The following POLR3B variants were observed in gnomAD, a reference collection of about 807,000 sequenced individuals.
POLR3B encodes the protein DNA-directed RNA polymerase III subunit RPC2.
A neutral mutation model predicts 147.4 loss-of-function variants in POLR3B; 96 were observed. The ratio of observed to expected loss-of-function variants is 0.65; its 90% CI spans 0.55 to 0.77. The LOEUF (loss-of-function observed/expected upper bound fraction) is 0.77. Among genes scored for constraint, POLR3B ranks in the 30% least tolerant of loss-of-function variants. The pLI is 0.00. For synonymous variants in POLR3B, 461 were observed against 485.9 expected, an observed-to-expected ratio of 0.95 and a Z score of 0.67; for missense variants, 1,036 against 1,413.5, an observed-to-expected ratio of 0.73 and a Z score of 4.28.
rs765536691 is a variant in POLR3B, at chr12:106,496,929, G to A, written c.2984+11G>A. On this transcript the variant is annotated intron_variant, in intron 25 of 27. Coordinates refer to ENST00000228347, the MANE Select transcript of POLR3B (RefSeq NM_018082.6). ...ATCCGGCATCACAGGGTAAGCATGC[G>A]ATTGAGCTATTTTAAAGAAAAAGAA... 47 of 1,612,316 alleles carry A rather than the reference G, an allele frequency of 2.9e-5. No homozygotes were observed. Among genetic ancestry groups the A allele is most frequent in the Middle Eastern group, 3.3e-4 (2 of 6,080 alleles).
intron 23 of POLR3B, among the ~76,000 whole-genome samples, chr12:106,483,968 T>A (rs2038304819): frequency 3.9e-5 from 6 of 152,226 alleles, no homozygotes. Context: ...CCTTTATGTC[T>A]TGGCCTCCTT....
intron 23 of POLR3B, among the ~76,000 whole-genome samples, chr12:106,485,192 AG>A (rs1283408322): frequency 6.6e-6 from 1 of 152,214 alleles, no homozygotes; most frequent in South Asian, 2.1e-4. Flanking sequence ...CGTGGCAGAC[AG>A]GCAGAGGGGC....
At chr12:106,403,778 G>A (rs1447650157) in intron 10 of POLR3B, among the ~76,000 whole-genome samples, 1 of 139,834 alleles carries the variant, frequency 7.2e-6, no homozygotes, top group South Asian at 2.5e-4. Context: ...CATGGACACG[G>A]GGTGGGGAAC....
At chr12:106,418,147 CA>C in intron 12 of POLR3B, among the ~76,000 whole-genome samples, 1 of 148,514 alleles carries the variant, frequency 6.7e-6, no homozygotes, top group South Asian at 2.1e-4. Context: ...GTTGGCAGGC[CA>C]GCCGCCAGTA....
intron 1 of POLR3B, 63 bp from the exon 2 acceptor site, chr12:106,363,802 TTAAAA>T: frequency 8.4e-7 from 1 of 1,193,764 alleles, no homozygotes; most frequent in South Asian, 1.3e-5. Flanking sequence ...TTTTGGAACA[TTAAAA>T]TAACTTATGA....
chr12:106,424,171 C>CAT (rs58229728), intron 12 of POLR3B, among the ~76,000 whole-genome samples: 38,189 of 151,420 alleles, frequency 0.25, 5,445 homozygotes, highest in African/African-American at 0.39. Flanking sequence ...TGTCTTTTAA[C>CAT]ATATATATAT....
rs185544151 is a variant in POLR3B, at chr12:106,371,125, G to A, written c.404+1442G>A. Among the ~76,000 whole-genome samples, 182 of 152,184 alleles carry A rather than the reference G, an allele frequency of 1.2e-3. 4 individuals carry two copies. In the East Asian group the frequency reaches 0.017, roughly 15 times the overall value. On this transcript the variant is annotated intron_variant, in intron 6 of 27. Coordinates refer to ENST00000228347, the MANE Select transcript of POLR3B (RefSeq NM_018082.6). ...GTTTAAAGAGGGAGCATGAGTGGGC[G>A]AAGGACATGAACAGACACTTCTCAA... is the stretch of plus-strand genomic sequence containing the variant.
rs548223706 is a variant in POLR3B, at chr12:106,357,921, G to A, written c.42G>A (p.Glu14=). The A allele has an allele frequency of 3.1e-6, 5 of 1,613,430 alleles. No homozygotes were observed. The South Asian group carries it at 5.5e-5, about 18-fold the overall frequency. ...LAEEFGNLTP[E]QLAAPIPTVE... is the part of the protein sequence containing the mutation. ...AGGAGTTTGGGAACCTGACTCCGGA[G>A]CAGCTGGCGGCGCCGATCCCGACTG... Residue 14 remains glutamate, a synonymous_variant, in exon 1 of 28, where the codon GAG becomes GAA. Coordinates refer to ENST00000228347, the MANE Select transcript of POLR3B (RefSeq NM_018082.6).
chr12:106,467,951 A>G (rs1478671631), intron 23 of POLR3B, among the ~76,000 whole-genome samples: 2 of 152,128 alleles, frequency 1.3e-5, no homozygotes, highest in Admixed American at 6.5e-5. Context: ...TGGTATCAGG[A>G]TGATGCTGGC....
At chr12:106,359,763 A>C (rs1213065783) in intron 1 of POLR3B, among the ~76,000 whole-genome samples, 1 of 152,046 alleles carries the variant, frequency 6.6e-6, no homozygotes, top group Non-Finnish European at 1.5e-5. Context: ...TACTATTTTC[A>C]CCCCCATTTT....
At chr12:106,369,180 C>G (rs1169465671) in intron 4 of POLR3B, 95 bp from the exon 5 acceptor site, 12 of 786,750 alleles carry the variant, frequency 1.5e-5, no homozygotes, top group Non-Finnish European at 2.3e-5. Flanking sequence ...AAGCATTTAT[C>G]AAAACATAAT....
chr12:106,406,019 G>A (rs779004170), intron 11 of POLR3B, 43 bp downstream of exon 11: 1 of 1,603,902 alleles, frequency 6.2e-7, no homozygotes, highest in Non-Finnish European at 8.5e-7. Flanking sequence ...TGTGGGGTCT[G>A]TGAATTCCTG....
chr12:106,486,086 G>A (rs778647402), intron 23 of POLR3B, among the ~76,000 whole-genome samples: 8 of 151,934 alleles, frequency 5.3e-5, no homozygotes, highest in South Asian at 4.2e-4. Context: ...TCAAGAGATC[G>A]AGACCGTCCT....
intron 14 of POLR3B, among the ~76,000 whole-genome samples, chr12:106,431,969 A>G (rs10861605): frequency 0.19 from 28,554 of 152,164 alleles, 2,803 homozygotes; most frequent in Non-Finnish European, 0.21. Context: ...ATTTTATACA[A>G]TGTCATCATA....
intron 12 of POLR3B, among the ~76,000 whole-genome samples, chr12:106,414,088 A>G (rs1381907241): frequency 2.1e-5 from 3 of 142,618 alleles, no homozygotes; most frequent in African/African-American, 8.3e-5. Flanking sequence ...GTATTTTAGC[A>G]TCTAGAATCT....
Position 106,435,752 on chromosome 12 carries a change from A to G in POLR3B, c.1782-1305A>G, listed in dbSNP as rs114215220. Among the ~76,000 whole-genome samples, 669 of 152,306 alleles carry G rather than the reference A, an allele frequency of 4.4e-3. 4 individuals are homozygous for G. The highest frequency in any genetic ancestry group is 0.015 in the African/African-American group (643 of 41,570). On this transcript the variant is annotated intron_variant, in intron 16 of 27. Coordinates refer to ENST00000228347, the MANE Select transcript of POLR3B (RefSeq NM_018082.6). ...AGGTGCTTATTTATAACTTAATAGC[A>G]TGGTCCAGTTAAGGGCAGGAATAAC...
chr12:106,372,253 T>C (rs1349449385), intron 6 of POLR3B, among the ~76,000 whole-genome samples: 1 of 151,900 alleles, frequency 6.6e-6, no homozygotes, highest in Non-Finnish European at 1.5e-5. Context: ...TCACCTTTCG[T>C]CCCATTCCCA....
chr12:106,492,302 C>T (rs945664954), intron 23 of POLR3B, among the ~76,000 whole-genome samples: 9 of 151,996 alleles, frequency 5.9e-5, no homozygotes, highest in African/African-American at 2.2e-4. Context: ...CATGGTGGCT[C>T]ACACCTTTAA....
Position 106,369,278 on chromosome 12 carries a change from T to C in POLR3B, c.231T>C (p.Tyr77=), listed in dbSNP as rs2036572444. The C allele has an allele frequency of 6.4e-7, 1 of 1,569,496 alleles. No homozygotes were observed. The highest frequency in any genetic ancestry group is 1.3e-5 in the African/African-American group (1 of 74,092). The change falls in exon 5 of 28, where the codon TAT becomes TAC. Residue 77 remains tyrosine (Y), a synonymous_variant. Coordinates refer to ENST00000228347, the MANE Select transcript of POLR3B (RefSeq NM_018082.6). ...ACCGCACTAATTTGCTTTTCAGATA[T>C]CTTAATATCTATGTTGGGCTTCCTG... ...SDADPMWYLK[Y]LNIYVGLPDV...
Sources: gnomAD v4.1 joint callset for allele counts (sites outside exome capture counted in the v4.1 genomes callset) on GRCh38, gnomAD v4.1.1 for gene constraint, MANE v1.5 for transcripts, NCBI Gene and HGNC (gene_info 2026-07-23, HGNC 2026-07-21) for gene names.